The following PIK3CG variants were observed in gnomAD, a reference collection of about 807,000 sequenced individuals.
PIK3CG encodes phosphatidylinositol-4,5-bisphosphate 3-kinase catalytic subunit gamma.
A neutral mutation model predicts 102.3 loss-of-function variants in PIK3CG; 55 were observed. The observed-to-expected ratio is 0.54, with a 90% CI of 0.43 to 0.67. The LOEUF (loss-of-function observed/expected upper bound fraction) is 0.67. PIK3CG is among the 30% of genes least tolerant of loss of function. PIK3CG has a pLI of 0.00. For missense variants in PIK3CG, 1,258 were observed against 1,391.8 expected (o/e 0.90, Z 1.53); for synonymous variants, 552 against 540.0 (o/e 1.02, Z -0.31).
rs149953475 is a variant in PIK3CG, at chr7:106,895,622, C to T, written c.3030+9330C>T. On this transcript the variant is annotated intron_variant, in intron 10 of 10. Coordinates refer to ENST00000496166, the MANE Select transcript of PIK3CG (RefSeq NM_001282426.2). The surrounding 1 kb of genome is among the most constrained non-coding windows in gnomAD (Gnocchi z 5.4). ...CCCCAACTCCAACCTACCTCACCCC[C>T]TAGGCCTTTACTAAGAGACCTTGTG... Among the ~76,000 whole-genome samples, 1,527 of 152,268 alleles carry T rather than the reference C, an allele frequency of 0.01. 17 individuals are homozygous for T. The highest frequency in any genetic ancestry group is 0.017 in the Non-Finnish European group (1,142 of 67,998).
Position 106,872,510 on chromosome 7 carries a change from A to G in PIK3CG, c.1996-27A>G, listed in dbSNP as rs1306985273. The G allele has an allele frequency of 1.9e-6, 3 of 1,591,302 alleles. No individual in the cohort carries two copies. Among genetic ancestry groups the G allele is most frequent in the Middle Eastern group, 3.3e-4 (2 of 6,032 alleles). On this transcript the variant is annotated intron_variant, in intron 2 of 10. Coordinates refer to ENST00000496166, the MANE Select transcript of PIK3CG (RefSeq NM_001282426.2). The surrounding 1 kb of genome is among the most constrained non-coding windows in gnomAD (Gnocchi z 5.3). ...ATTCAACGACATAGAGTACAGTCCT[A>G]CAAATGCCAATGTGTTCTTCCTTTA...
chr7:106,887,778 A>T (rs565779068), intron 10 of PIK3CG, among the ~76,000 whole-genome samples: 2 of 152,170 alleles, frequency 1.3e-5, no homozygotes, highest in Admixed American at 1.3e-4. Context: ...GCCCTGGAAG[A>T]ATTTCACCAT....
At chr7:106,875,418 C>T (rs1003694964) in intron 5 of PIK3CG, among the ~76,000 whole-genome samples, 4 of 150,134 alleles carry the variant, frequency 2.7e-5, no homozygotes, top group African/African-American at 9.8e-5. Context: ...AATTATATAA[C>T]CACCGCCACA....
Position 106,902,254 on chromosome 7 carries a change from C to A in PIK3CG, c.3031-2855C>A, listed in dbSNP as rs573543067. On this transcript the variant is annotated intron_variant, in intron 10 of 10. Coordinates refer to ENST00000496166, the MANE Select transcript of PIK3CG (RefSeq NM_001282426.2). The surrounding 1 kb of genome is among the most constrained non-coding windows in gnomAD (Gnocchi z 4.3). ...AAGCCAGGGGTTTCCTGTCTTGTGT[C>A]AAGCAATGCGGGGGGTGTGTGGGAT... is the stretch of plus-strand genomic sequence containing the variant. Among the ~76,000 whole-genome samples, 1 of 152,018 alleles carries A rather than the reference C, an allele frequency of 6.6e-6. No individual in the cohort carries two copies. Among genetic ancestry groups the A allele is most frequent in the South Asian group, 2.1e-4 (1 of 4,812 alleles).
At chr7:106,886,324 T>C in intron 10 of PIK3CG, 32 bp downstream of exon 10, 1 of 1,611,566 alleles carries the variant, frequency 6.2e-7, no homozygotes, top group Non-Finnish European at 8.5e-7. Context: ...CTGCTGAGAA[T>C]AGCACCGAAG....
chr7:106,877,612 CTGTTT>C lies in PIK3CG; in HGVS notation c.2392-1880_2392-1876del, dbSNP rs57970232. 3.5e-4 allele frequency among the ~76,000 whole-genome samples: 53 copies of C among 150,556 alleles called. No individual in the cohort carries two copies. Among genetic ancestry groups the C allele is most frequent in the South Asian group, 4.2e-4 (2 of 4,758 alleles). ...TTTTCAGCACCATGTGTTGAAAAGA[CTGTTT>C]TGTTTTGTTTTGTTTTGTTTTGTTT... On this transcript the variant is annotated intron_variant, in intron 5 of 10. Transcript: ENST00000496166. The surrounding 1 kb of genome is among the most constrained non-coding windows in gnomAD (Gnocchi z 4.5).
intron 1 of PIK3CG, among the ~76,000 whole-genome samples, chr7:106,866,878 T>G (rs1291053769): frequency 1.3e-5 from 2 of 152,160 alleles, no homozygotes; most frequent in African/African-American, 4.8e-5. Context: ...GGCAGGAAAT[T>G]TATTAGGGAG....
rs1253630081 is a variant in PIK3CG at position 106,877,221 on chromosome 7, T to A, written c.2392-2298T>A. 6.6e-6 allele frequency among the ~76,000 whole-genome samples: 1 copy of A among 152,036 alleles called. No individual in the cohort carries two copies. Among genetic ancestry groups the A allele is most frequent in the African/African-American group, 2.4e-5 (1 of 41,384 alleles). ...TCAAAAGAAATGAAAAAGAAATCTA[T>A]CTAATCCAGTGCCTCAGCCTGGGGT... On this transcript the variant is annotated intron_variant, in intron 5 of 10. Coordinates refer to ENST00000496166, the MANE Select transcript of PIK3CG (RefSeq NM_001282426.2). This position sits in a 1 kb window ranked among gnomAD's most constrained non-coding sequence, Gnocchi z 4.5.
rs57970232 is a variant in PIK3CG, at chr7:106,877,612, C to CTGTTTTGTTT, written c.2392-1885_2392-1876dup. ...TTTTCAGCACCATGTGTTGAAAAGA[C>CTGTTTTGTTT]TGTTTTGTTTTGTTTTGTTTTGTTT... On this transcript the variant is annotated intron_variant, in intron 5 of 10. Transcript: ENST00000496166. This position sits in a 1 kb window ranked among gnomAD's most constrained non-coding sequence, Gnocchi z 4.5. Among the ~76,000 whole-genome samples the CTGTTTTGTTT allele has an allele frequency of 2.7e-3, 402 of 150,554 alleles. No individual in the cohort carries two copies. Among genetic ancestry groups the CTGTTTTGTTT allele is most frequent in the South Asian group, 0.016 (76 of 4,758 alleles).
intron 10 of PIK3CG, among the ~76,000 whole-genome samples, chr7:106,898,772 G>A (rs578100651): frequency 6.6e-6 from 1 of 151,994 alleles, no homozygotes; most frequent in African/African-American, 2.4e-5. Context: ...TGCTGTTTTT[G>A]TAGCCTTGTA....
rs1791494275 is a variant in PIK3CG at position 106,899,629 on chromosome 7, T to C, written c.3031-5480T>C. On this transcript the variant is annotated intron_variant, in intron 10 of 10. Coordinates refer to ENST00000496166, the MANE Select transcript of PIK3CG (RefSeq NM_001282426.2). This position sits in a 1 kb window ranked among gnomAD's most constrained non-coding sequence, Gnocchi z 4.6. ...GTGTCTATGGAGATAATCATGTGGT[T>C]TTTGTCTTTAGTTCTTTGTATGTGA... Among the ~76,000 whole-genome samples the C allele has an allele frequency of 1.3e-5, 2 of 152,164 alleles. No individual in the cohort carries two copies. The highest frequency in any genetic ancestry group is 2.1e-4 in the South Asian group (1 of 4,824).
intron 1 of PIK3CG, among the ~76,000 whole-genome samples, chr7:106,866,775 G>A (rs1478242290): frequency 2.0e-5 from 3 of 152,168 alleles, no homozygotes; most frequent in Non-Finnish European, 4.4e-5. Flanking sequence ...TCTGCAAATG[G>A]TTTTGACTGT....
chr7:106,901,916 G>C (rs1791565561), intron 10 of PIK3CG, among the ~76,000 whole-genome samples: 1 of 152,172 alleles, frequency 6.6e-6, no homozygotes, highest in Non-Finnish European at 1.5e-5. Context: ...TTGCTTGGTT[G>C]TGTGGCTCCC....
rs747368933 is a variant in PIK3CG at position 106,905,425 on chromosome 7, T to C, written c.*38T>C. 1.3e-6 allele frequency: 2 copies of C among 1,566,962 alleles called. No homozygotes were observed. Among genetic ancestry groups the C allele is most frequent in the Non-Finnish European group, 1.7e-6 (2 of 1,151,306 alleles). On this transcript the variant is annotated 3_prime_UTR_variant, in exon 11 of 11. Coordinates refer to ENST00000496166, the MANE Select transcript of PIK3CG (RefSeq NM_001282426.2). The surrounding 1 kb of genome is among the most constrained non-coding windows in gnomAD (Gnocchi z 5.6). The stretch of plus-strand genomic sequence containing the variant: ...GAATCAAAAACAAGTTAGTGTTCTA[T>C]GGTTTAAATTAGCATAGCAATCATC...
chr7:106,890,470 C>T lies in PIK3CG; in HGVS notation c.3030+4178C>T, dbSNP rs920595726. On this transcript the variant is annotated intron_variant, in intron 10 of 10. Transcript: ENST00000496166. This position sits in a 1 kb window ranked among gnomAD's most constrained non-coding sequence, Gnocchi z 4.2. The stretch of plus-strand genomic sequence containing the variant: ...TGCTGGGACTACAGGCGTGAGCCAG[C>T]GTGCCCAGCCCCGAATGTGTTGTTT... Among the ~76,000 whole-genome samples, 4 of 152,198 alleles carry T rather than the reference C, an allele frequency of 2.6e-5. No homozygotes were observed. Among genetic ancestry groups the T allele is most frequent in the Admixed American group, 6.5e-5 (1 of 15,284 alleles).
Position 106,899,125 on chromosome 7 carries a change from C to A in PIK3CG, c.3031-5984C>A, listed in dbSNP as rs1791481033. 6.6e-6 allele frequency among the ~76,000 whole-genome samples: 1 copy of A among 152,002 alleles called. No homozygotes were observed. Among genetic ancestry groups the A allele is most frequent in the African/African-American group, 2.4e-5 (1 of 41,382 alleles). ...CCTAGGTATTTTATTCTTTTTGTGG[C>A]AATTGTGAACGGGATTGCCTTTCTG... On this transcript the variant is annotated intron_variant, in intron 10 of 10. Transcript: ENST00000496166. The surrounding 1 kb of genome is among the most constrained non-coding windows in gnomAD (Gnocchi z 4.6).
rs1177951006 is a variant in PIK3CG, at chr7:106,893,002, G to A, written c.3030+6710G>A. Reference sequence around the variant, plus strand: ...AATTTGAGTCAAGAAAGGAAATTTGGGTCCAACTTGAAGCAGTACATAGGC... The same window carrying A: ...AATTTGAGTCAAGAAAGGAAATTTGAGTCCAACTTGAAGCAGTACATAGGC... On this transcript the variant is annotated intron_variant, in intron 10 of 10. Transcript: ENST00000496166. This position sits in a 1 kb window ranked among gnomAD's most constrained non-coding sequence, Gnocchi z 4.4. Among the ~76,000 whole-genome samples, 1 of 152,114 alleles carries A rather than the reference G, an allele frequency of 6.6e-6. No individual in the cohort carries two copies. Among genetic ancestry groups the A allele is most frequent in the African/African-American group, 2.4e-5 (1 of 41,398 alleles).
At position 106,868,120 on chromosome 7, in the gene PIK3CG, G is replaced by A. The variant is rs1790377708; in HGVS notation, c.559G>A (p.Glu187Lys). Reference sequence around the variant, plus strand: ...TGGCTTGGTGACCCCGCGCATGGCGGAGGTGGCCAGCCGCGACCCCAAGCT... The same window carrying A: ...TGGCTTGGTGACCCCGCGCATGGCGAAGGTGGCCAGCCGCGACCCCAAGCT... ...RRGLVTPRMA[E>K]VASRDPKLYA... The change falls in exon 2 of 11, where the codon GAG becomes AAG. Residue 187 changes from glutamate to lysine, a missense_variant. By Grantham distance (56) the Glu-to-Lys change is moderately conservative. This residue lies in a region of PIK3CG where 832 missense variants were observed against 787.5 expected (regional missense o/e 1.06). Coordinates refer to ENST00000496166, the MANE Select transcript of PIK3CG (RefSeq NM_001282426.2). The surrounding 1 kb of genome is among the most constrained non-coding windows in gnomAD (Gnocchi z 6.2). The A allele has an allele frequency of 1.2e-6, 2 of 1,612,134 alleles. No homozygotes were observed. The highest frequency in any genetic ancestry group is 1.1e-5 in the South Asian group (1 of 91,010).
At chr7:106,887,933 CTTTTTTTTTTTTT>C (rs71156344) in intron 10 of PIK3CG, among the ~76,000 whole-genome samples, 2 of 60,602 alleles carry the variant, frequency 3.3e-5, no homozygotes, top group Admixed American at 2.7e-4. Context: ...GACGACTCTC[CTTTTTTTTTTTTT>C]TTTTTTTTTT....
Sources: gnomAD v4.1 joint callset for allele counts (sites outside exome capture counted in the v4.1 genomes callset) on GRCh38, gnomAD v4.1.1 for gene constraint, gnomAD v4.1.1 regional missense constraint, Gnocchi (gnomAD v3.1) non-coding constraint, MANE v1.5 for transcripts, NCBI Gene and HGNC (gene_info 2026-07-23, HGNC 2026-07-21) for gene names.